The following PTPRD variants were observed in gnomAD, a reference collection of about 807,000 sequenced individuals.
PTPRD encodes protein tyrosine phosphatase receptor type D.
PTPRD carries 34 observed loss-of-function variants against 214.5 expected under a neutral mutation model. That is an observed-to-expected ratio of 0.16 (90% CI 0.12 to 0.21). The LOEUF (loss-of-function observed/expected upper bound fraction) is 0.21, where lower values mean the gene tolerates loss of function less well. Ranked by LOEUF, PTPRD falls within the 10% of genes least tolerant of loss-of-function variation. The pLI is 1.00. For synonymous variants in PTPRD, 1,128 were observed against 845.7 expected (o/e 1.33, Z -5.79); for missense variants, 2,545 against 2,398.7 (o/e 1.06, Z -1.27).
In PTPRD at chr9:8,633,183, G is replaced by A. The variant is rs371436767; in HGVS notation, c.352+134C>T. 1,873 of 1,146,746 alleles carry A rather than the reference G, an allele frequency of 1.6e-3. 3 individuals carry two copies. Among genetic ancestry groups the A allele is most frequent in the Middle Eastern group, 7.8e-3 (37 of 4,726 alleles). The allele number at this position is 1,146,746 out of a possible 1,614,324, so 71.0% of individuals were successfully genotyped here. ...AGAAGGTATCCACTGTCTAATTAAA[G>A]TTCAAGTCTTACAAACATTTAACTG... On this transcript the variant is annotated intron_variant, in intron 14 of 45. Coordinates refer to ENST00000381196, the MANE Select transcript of PTPRD (RefSeq NM_002839.4).
chr9:8,808,879 C>A (rs1380116708), intron 11 of PTPRD, among the ~76,000 whole-genome samples: 1 of 152,058 alleles, frequency 6.6e-6, no homozygotes, highest in Non-Finnish European at 1.5e-5. Flanking sequence ...GCCTTATATG[C>A]AATTAAGTAC....
intron 12 of PTPRD, among the ~76,000 whole-genome samples, chr9:8,728,027 C>T (rs2098605183): frequency 6.6e-6 from 1 of 152,126 alleles, no homozygotes; most frequent in Non-Finnish European, 1.5e-5. Context: ...GCGGGCGGAT[C>T]ACCTGAGGTC....
At chr9:9,824,362 A>G (rs1374915094) in intron 5 of PTPRD, among the ~76,000 whole-genome samples, 1 of 152,040 alleles carries the variant, frequency 6.6e-6, no homozygotes, top group African/African-American at 2.4e-5. Context: ...ATAGAATTTG[A>G]CATAGCACAG....
intron 36 of PTPRD, among the ~76,000 whole-genome samples, chr9:8,393,025 T>C (rs2090088583): frequency 6.6e-6 from 1 of 152,158 alleles, no homozygotes; most frequent in Non-Finnish European, 1.5e-5. Context: ...ACTGTGAAAA[T>C]AAACAATATG....
At chr9:10,525,854 C>G (rs117129049) in intron 2 of PTPRD, among the ~76,000 whole-genome samples, 1 of 151,764 alleles carries the variant, frequency 6.6e-6, no homozygotes, top group Non-Finnish European at 1.5e-5. Context: ...TGTTCTTCGC[C>G]CACTTAACAA....
intron 3 of PTPRD, among the ~76,000 whole-genome samples, chr9:10,154,313 G>C (rs1022907945): frequency 1.6e-4 from 25 of 151,736 alleles, no homozygotes; most frequent in African/African-American, 6.1e-4. Context: ...CTTTTTAATG[G>C]GGTTGTTTTC....
chr9:8,680,458 A>G lies in PTPRD; in HGVS notation c.65-43614T>C, dbSNP rs538982210. 2.6e-5 allele frequency among the ~76,000 whole-genome samples: 4 copies of G among 152,200 alleles called. No homozygotes were observed. The South Asian group carries it at 8.3e-4, about 31-fold the overall frequency. ...GAATCTCTTTCTGACATCATAAGTGACTGCCCACCTTTCCATATATGTGCA... is the reference window on the plus strand; with the variant it reads ...GAATCTCTTTCTGACATCATAAGTGGCTGCCCACCTTTCCATATATGTGCA... On this transcript the variant is annotated intron_variant, in intron 12 of 45. Transcript: ENST00000381196.
At chr9:10,467,095 C>T (rs182032548) in intron 2 of PTPRD, among the ~76,000 whole-genome samples, 15 of 152,226 alleles carry the variant, frequency 9.9e-5, no homozygotes, top group African/African-American at 3.1e-4. Context: ...AAGACATTGC[C>T]AGTTGTTTTG....
chr9:8,704,704 G>A (rs917436239), intron 12 of PTPRD, among the ~76,000 whole-genome samples: 7 of 151,222 alleles, frequency 4.6e-5, no homozygotes, highest in Admixed American at 1.3e-4. Flanking sequence ...TGAGGCGAGC[G>A]GATCACGAGG....
chr9:9,649,132 G>C (rs1594174495), intron 7 of PTPRD, among the ~76,000 whole-genome samples: 2 of 152,114 alleles, frequency 1.3e-5, no homozygotes, highest in African/African-American at 2.4e-5. Flanking sequence ...TGACTAATGA[G>C]ATAGCGACCA....
At chr9:8,818,735 G>A (rs1443601459) in intron 11 of PTPRD, among the ~76,000 whole-genome samples, 3 of 152,148 alleles carry the variant, frequency 2.0e-5, no homozygotes, top group Admixed American at 6.6e-5. Context: ...ATATTTAATT[G>A]TTACTAATTA....
At chr9:9,403,195 G>A (rs941067184) in intron 8 of PTPRD, among the ~76,000 whole-genome samples, 11 of 143,524 alleles carry the variant, frequency 7.7e-5, no homozygotes, top group African/African-American at 2.6e-4. Context: ...GGTGGCTGAG[G>A]CAGGAGAATT....
intron 7 of PTPRD, among the ~76,000 whole-genome samples, chr9:9,646,129 A>T (rs1036749702): frequency 9.2e-5 from 14 of 152,148 alleles, no homozygotes; most frequent in Non-Finnish European, 1.5e-4. Context: ...TCCATTTGTG[A>T]TAGTATTCCC....
At chr9:9,812,469 C>T (rs971540388) in intron 5 of PTPRD, among the ~76,000 whole-genome samples, 2 of 151,212 alleles carry the variant, frequency 1.3e-5, no homozygotes, top group East Asian at 1.9e-4. Flanking sequence ...AGGCTAAAAG[C>T]GAAGGGACAG....
At chr9:10,047,310 A>G (rs200488386) in intron 3 of PTPRD, among the ~76,000 whole-genome samples, 18 of 76,698 alleles carry the variant, frequency 2.3e-4, no homozygotes, top group African/African-American at 9.6e-4. Flanking sequence ...AAAATCAACT[A>G]ACTGTGTGTG....
intron 9 of PTPRD, among the ~76,000 whole-genome samples, chr9:9,301,924 G>A (rs537506617): frequency 6.6e-6 from 1 of 152,000 alleles, no homozygotes; most frequent in Non-Finnish European, 1.5e-5. Context: ...CAGAAGCTGA[G>A]TTTAAGATAC....
chr9:8,566,051 C>G (rs1371468097), intron 14 of PTPRD, among the ~76,000 whole-genome samples: 1 of 150,228 alleles, frequency 6.7e-6, no homozygotes, highest in Non-Finnish European at 1.5e-5. Context: ...ACCAGTGGAA[C>G]AGAAACTGAA....
intron 14 of PTPRD, among the ~76,000 whole-genome samples, chr9:8,620,611 G>C (rs770622862): frequency 4.6e-5 from 7 of 151,902 alleles, no homozygotes; most frequent in East Asian, 3.9e-4. Flanking sequence ...AGTTAATGGC[G>C]GGGGGCAGGG....
At chr9:10,569,692 T>A (rs2066828794) in intron 2 of PTPRD, among the ~76,000 whole-genome samples, 1 of 152,130 alleles carries the variant, frequency 6.6e-6, no homozygotes, top group Non-Finnish European at 1.5e-5. Context: ...TTCTGTTAGA[T>A]TCAATCACAC....
Sources: gnomAD v4.1 joint callset for allele counts (sites outside exome capture counted in the v4.1 genomes callset) on GRCh38, gnomAD v4.1.1 for gene constraint, MANE v1.5 for transcripts, NCBI Gene and HGNC (gene_info 2026-07-23, HGNC 2026-07-21) for gene names.